Variants in KCNAB1 observed in about 807,000 individuals in gnomAD.
KCNAB1 encodes the protein voltage-gated potassium channel subunit beta-1.
KCNAB1 carries 35 observed loss-of-function variants against 64.6 expected under a neutral mutation model. The observed-to-expected ratio is 0.54, with a 90% CI of 0.41 to 0.72. The LOEUF (loss-of-function observed/expected upper bound fraction) is 0.72. Among genes scored for constraint, KCNAB1 ranks in the 30% least tolerant of loss-of-function variants. KCNAB1 has a pLI of 0.00. For synonymous variants in KCNAB1, 177 were observed against 183.8 expected, an observed-to-expected ratio of 0.96 and a Z score of 0.30; for missense variants, 401 against 512.9, an observed-to-expected ratio of 0.78 and a Z score of 2.11.
At chr3:156,529,270 T>A (rs1340157907) in intron 12 of KCNAB1, among the ~76,000 whole-genome samples, 2 of 152,120 alleles carry the variant, frequency 1.3e-5, no homozygotes, top group African/African-American at 4.8e-5. Flanking sequence ...TTAGATGAAA[T>A]GTCCAGAAAA....
intron 1 of KCNAB1, among the ~76,000 whole-genome samples, chr3:156,211,118 C>T (rs890688175): frequency 6.6e-6 from 1 of 151,994 alleles, no homozygotes; most frequent in Non-Finnish European, 1.5e-5. Context: ...AAAAGGGGTG[C>T]AGTGGAGTGT....
At chr3:156,297,622 C>T (rs1202930549) in intron 1 of KCNAB1, among the ~76,000 whole-genome samples, 1 of 152,158 alleles carries the variant, frequency 6.6e-6, no homozygotes, top group Admixed American at 6.5e-5. Context: ...CATGCCATTC[C>T]TTTCAGAGCC....
At chr3:156,188,262 A>G (rs567669036) in intron 1 of KCNAB1, among the ~76,000 whole-genome samples, 1 of 151,954 alleles carries the variant, frequency 6.6e-6, no homozygotes, top group East Asian at 1.9e-4. Flanking sequence ...ATTTTGGAAA[A>G]TATGGAAAAA....
intron 1 of KCNAB1, among the ~76,000 whole-genome samples, chr3:156,277,230 T>C (rs1489848749): frequency 6.6e-6 from 1 of 152,134 alleles, no homozygotes; most frequent in Non-Finnish European, 1.5e-5. Flanking sequence ...TGGGTACAGA[T>C]TGTGGCACCC....
chr3:156,255,271 T>C (rs1172852729), intron 1 of KCNAB1, among the ~76,000 whole-genome samples: 3 of 152,202 alleles, frequency 2.0e-5, no homozygotes, highest in Non-Finnish European at 2.9e-5. Context: ...TTGAGGTCAT[T>C]AATATCATTA....
chr3:156,429,777 C>T (rs1006068903), intron 2 of KCNAB1, among the ~76,000 whole-genome samples: 2 of 152,172 alleles, frequency 1.3e-5, no homozygotes, highest in African/African-American at 4.8e-5. Flanking sequence ...GAAGTGCCTC[C>T]TGGGACACTT....
chr3:156,123,821 A>AG (rs1276636179), intron 1 of KCNAB1, among the ~76,000 whole-genome samples: 1 of 152,214 alleles, frequency 6.6e-6, no homozygotes, highest in East Asian at 1.9e-4. Context: ...TTTTAAAAAA[A>AG]GTATTGTTTT....
chr3:156,422,723 T>A (rs940169812), intron 2 of KCNAB1, among the ~76,000 whole-genome samples: 3 of 152,202 alleles, frequency 2.0e-5, no homozygotes, highest in Admixed American at 2.0e-4. Flanking sequence ...AGCAAGTAGA[T>A]GCTGTTTAAG....
intron 1 of KCNAB1, among the ~76,000 whole-genome samples, chr3:156,249,721 A>AT (rs1387847490): frequency 2.0e-5 from 3 of 152,306 alleles, no homozygotes; most frequent in Admixed American, 2.0e-4. Flanking sequence ...TCCATGCTCT[A>AT]TAAGACCTTA....
intron 4 of KCNAB1, among the ~76,000 whole-genome samples, chr3:156,458,599 A>G (rs1249009833): frequency 6.6e-6 from 1 of 152,174 alleles, no homozygotes; most frequent in Admixed American, 6.6e-5. Flanking sequence ...AGGACCATCA[A>G]GGAGGTTCAG....
At chr3:156,229,052 G>T (rs1716360817) in intron 1 of KCNAB1, among the ~76,000 whole-genome samples, 1 of 152,174 alleles carries the variant, frequency 6.6e-6, no homozygotes, top group Admixed American at 6.5e-5. Context: ...AGCCTCTGAG[G>T]GGTCTCAGCC....
chr3:156,202,587 G>A (rs538988866), intron 1 of KCNAB1, among the ~76,000 whole-genome samples: 11 of 152,136 alleles, frequency 7.2e-5, no homozygotes, highest in African/African-American at 2.4e-4. Context: ...TAGAATTTCC[G>A]TCTCTCTGCT....
chr3:156,462,750 C>T (rs926960580), intron 5 of KCNAB1, among the ~76,000 whole-genome samples: 2 of 152,164 alleles, frequency 1.3e-5, no homozygotes, highest in African/African-American at 4.8e-5. Flanking sequence ...TCAAGCGCTC[C>T]TGAAGATTGG....
At position 156,224,799 on chromosome 3, in the gene KCNAB1, A is replaced by G. The variant is rs537043743; in HGVS notation, c.275+103913A>G. ...ATTCAAGGCTGCTATGAACACCTTTACATGCATAAACTAGAAAACCTAGAG... is the reference window on the plus strand; with the variant it reads ...ATTCAAGGCTGCTATGAACACCTTTGCATGCATAAACTAGAAAACCTAGAG... On this transcript the variant is annotated intron_variant, in intron 1 of 13. Transcript: ENST00000490337. Among the ~76,000 whole-genome samples, 6 of 152,350 alleles carry G rather than the reference A, an allele frequency of 3.9e-5. No homozygotes were observed. In the South Asian group the frequency reaches 1.2e-3, roughly 32 times the overall value.
At chr3:156,264,965 T>C (rs1260399438) in intron 1 of KCNAB1, among the ~76,000 whole-genome samples, 1 of 152,216 alleles carries the variant, frequency 6.6e-6, no homozygotes, top group Non-Finnish European at 1.5e-5. Context: ...CCAGGCTTTC[T>C]TTTTAATGAG....
At chr3:156,372,785 T>A (rs116113226) in intron 1 of KCNAB1, among the ~76,000 whole-genome samples, 1 of 152,216 alleles carries the variant, frequency 6.6e-6, no homozygotes, top group Non-Finnish European at 1.5e-5. Context: ...ATACAATGCC[T>A]TGGGGTTAGG....
At chr3:156,463,200 A>G (rs998296080) in intron 5 of KCNAB1, among the ~76,000 whole-genome samples, 24 of 152,178 alleles carry the variant, frequency 1.6e-4, no homozygotes, top group African/African-American at 5.8e-4. Context: ...TGGAGCCACA[A>G]GGATCCATGT....
At chr3:156,522,830 T>C (rs1281801520) in intron 11 of KCNAB1, among the ~76,000 whole-genome samples, 1 of 31,512 alleles carries the variant, frequency 3.2e-5, no homozygotes, top group African/African-American at 7.6e-5. Flanking sequence ...GCGATGGCTA[T>C]TATGTATTAT....
chr3:156,189,708 C>T (rs147536648), intron 1 of KCNAB1, among the ~76,000 whole-genome samples: 308 of 150,730 alleles, frequency 2.0e-3, no homozygotes, highest in African/African-American at 7.1e-3. Flanking sequence ...TTTCAGTAAT[C>T]GTCAGTTAAA....
Sources: allele counts gnomAD v4.1 joint callset (sites outside exome capture counted in the v4.1 genomes callset), GRCh38; gene constraint gnomAD v4.1.1; transcripts MANE v1.5; gene names NCBI Gene and HGNC (gene_info 2026-07-23, HGNC 2026-07-21).